TNS3: variants seen among roughly 807,000 people sequenced by gnomAD.
TNS3 encodes the protein tensin-3.
TNS3 carries 45 observed loss-of-function variants against 140.9 expected under a neutral mutation model. The observed-to-expected ratio is 0.32, with a 90% CI of 0.25 to 0.41. TNS3 has a LOEUF of 0.41. Among genes scored for constraint, TNS3 ranks in the 10% least tolerant of loss-of-function variants. The probability of loss-of-function intolerance (pLI) is 1.00; values close to 1 mark genes in which losing one functional copy is unlikely to be tolerated. For synonymous variants in TNS3, 815 were observed against 788.4 expected, an observed-to-expected ratio of 1.03 and a Z score of -0.56; for missense variants, 1,716 against 1,906.7, an observed-to-expected ratio of 0.90 and a Z score of 1.86.
intron 1 of TNS3, chr7:47,557,230 G>A (rs1167644780): frequency 4.7e-6 from 2 of 430,044 alleles, no homozygotes; most frequent in Non-Finnish European, 9.5e-6. Flanking sequence ...ACGTAAGGGA[G>A]AGGCTGACTT....
rs1037532367 is a variant in TNS3, at chr7:47,303,008, G to C, written c.3399C>G (p.Pro1133=). Residue 1133 remains proline (P), a synonymous_variant, in exon 22 of 31, where the codon CCC becomes CCG. Coordinates refer to ENST00000311160, the MANE Select transcript of TNS3 (RefSeq NM_022748.12). ...SPHSGSTISI[P]FPNVLPDFSK... is the part of the protein sequence containing the mutation. ...AAAAGTCGGGAAGGACATTTGGGAA[G>C]GGGATACTGATGGTGCTCCCGCTGT... 13 of 1,613,822 alleles carry C rather than the reference G, an allele frequency of 8.1e-6. No individual in the cohort carries two copies. The highest frequency in any genetic ancestry group is 1.1e-5 in the Non-Finnish European group (13 of 1,179,742).
Position 47,488,942 on chromosome 7 carries a change from G to A in TNS3, c.-114-7801C>T, listed in dbSNP as rs543641070. On this transcript the variant is annotated intron_variant, in intron 3 of 30. Transcript: ENST00000311160. ...TTTCAACACAAGCCTGCAAACAACA[G>A]CAGATCTATACAAAGAATGGCAGTA... Among the ~76,000 whole-genome samples the A allele has an allele frequency of 2.6e-5, 4 of 152,324 alleles. No homozygotes were observed. The South Asian group carries it at 8.3e-4, about 32-fold the overall frequency.
At chr7:47,505,735 G>T (rs1360687225) in intron 3 of TNS3, among the ~76,000 whole-genome samples, 1 of 152,180 alleles carries the variant, frequency 6.6e-6, no homozygotes, top group African/African-American at 2.4e-5. Context: ...GTGTGTGTGT[G>T]TGTGTATTTC....
At position 47,368,431 on chromosome 7, in the gene TNS3, C is replaced by T. The variant is rs778391297; in HGVS notation, c.2215G>A (p.Gly739Arg). 9 of 1,535,232 alleles carry T rather than the reference C, an allele frequency of 5.9e-6. No homozygotes were observed. Among genetic ancestry groups the T allele is most frequent in the East Asian group, 2.3e-5 (1 of 43,396 alleles). ...GSVSPDSVGG[G>R]LRASSRLPDT... ...GGCAGCCTGCTGCTTGCCCGGAGCC[C>T]ACCTCCCACGCTGTCTGGAGACACA... Residue 739 changes from glycine to arginine, a missense_variant, in exon 17 of 31, where the codon GGG becomes AGG. Gly to Arg is a moderately radical substitution (Grantham distance 125). Coordinates refer to ENST00000311160, the MANE Select transcript of TNS3 (RefSeq NM_022748.12).
intron 20 of TNS3, among the ~76,000 whole-genome samples, chr7:47,326,000 C>T (rs936302537): frequency 6.6e-6 from 1 of 152,204 alleles, no homozygotes; most frequent in Non-Finnish European, 1.5e-5. Context: ...GCTCCAACCA[C>T]GGGAGCTTTC....
chr7:47,369,516 G>A lies in TNS3; in HGVS notation c.1130C>T (p.Thr377Ile). The stretch of plus-strand genomic sequence containing the variant: ...GTGGTCACTGTGGTCTGGGCTGTTG[G>A]TGGCCGGGATTGCCTGGGGGCCACC... ...IPGGPQAIPA[T>I]NSPDHSDHTL... The change falls in exon 17 of 31, where the codon ACC (threonine) becomes ATC (isoleucine). Residue 377 changes from threonine (T) to isoleucine (I), a missense_variant. Thr to Ile is a moderately conservative substitution (Grantham distance 89). This residue lies in a region of TNS3 where 1,163 missense variants were observed against 1,182.1 expected (regional missense o/e 0.98). Transcript: ENST00000311160. The A allele has an allele frequency of 1.2e-6, 2 of 1,614,042 alleles. No individual in the cohort carries two copies. The highest frequency in any genetic ancestry group is 1.7e-6 in the Non-Finnish European group (2 of 1,179,956).
chr7:47,520,507 C>A (rs770613098), intron 2 of TNS3, among the ~76,000 whole-genome samples: 1 of 152,186 alleles, frequency 6.6e-6, no homozygotes, highest in Non-Finnish European at 1.5e-5. Context: ...ATCCTGACAA[C>A]CCAGACCGTT....
chr7:47,428,375 C>T lies in TNS3; in HGVS notation c.326G>A (p.Gly109Asp), dbSNP rs1794764297. ...LQHVVVIHCR[G>D]GKGRIGVVIS... ...GACCACTCCTATGCGTCCTTTCCCG[C>T]CCTGCAGGAGACAAAAGATCAGCTG... The change falls in exon 9 of 31, where the codon GGC becomes GAC. Residue 109 changes from glycine (G) to aspartate (D), a missense_variant and splice_region_variant. This residue lies in a region of TNS3 where 337 missense variants were observed against 428.9 expected (regional missense o/e 0.79). Coordinates refer to ENST00000311160, the MANE Select transcript of TNS3 (RefSeq NM_022748.12). The T allele has an allele frequency of 1.4e-6, 2 of 1,427,418 alleles. No individual in the cohort carries two copies. The highest frequency in any genetic ancestry group is 1.8e-6 in the Non-Finnish European group (2 of 1,083,856). 88.4% of individuals were successfully genotyped at this position (1,427,418 alleles called of 1,614,324 possible).
At chr7:47,450,768 G>T (rs936724990) in intron 4 of TNS3, among the ~76,000 whole-genome samples, 1 of 152,248 alleles carries the variant, frequency 6.6e-6, no homozygotes, top group African/African-American at 2.4e-5. Context: ...GCAGGGCAGT[G>T]CCAGGATAGG....
In TNS3 at chr7:47,369,229, G is replaced by A. The variant is rs764145645; in HGVS notation, c.1417C>T (p.Arg473Trp). The change falls in exon 17 of 31, where the codon CGG (arginine) becomes TGG (tryptophan). Residue 473 changes from arginine (R) to tryptophan (W), a missense_variant. By Grantham distance (101) the Arg-to-Trp change is moderately radical. This residue lies in a region of TNS3 where 1,163 missense variants were observed against 1,182.1 expected (regional missense o/e 0.98). Transcript: ENST00000311160. ...HVNGDAALKD[R>W]ETDILDDEMP... ...TCGTCATCCAGAATGTCTGTCTCCC[G>A]ATCCTTCAGAGCAGCGTCTCCATTC... is the stretch of plus-strand genomic sequence containing the variant. The A allele has an allele frequency of 7.4e-6, 12 of 1,614,066 alleles. No individual in the cohort carries two copies. Among genetic ancestry groups the A allele is most frequent in the South Asian group, 3.3e-5 (3 of 91,070 alleles).
In TNS3 at chr7:47,368,873, G is replaced by A; in HGVS notation, c.1773C>T (p.Arg591=). 6.2e-7 allele frequency: 1 copy of A among 1,613,762 alleles called. No individual in the cohort carries two copies. The highest frequency in any genetic ancestry group is 8.5e-7 in the Non-Finnish European group (1 of 1,179,938). ...QSSYSTQTWV[R]QQQMVVAHQY... ...GGTGAGCTACAACCATCTGCTGCTGGCGCACCCAGGTCTGTGTGGAGTAGC... is the reference window on the plus strand; with the variant it reads ...GGTGAGCTACAACCATCTGCTGCTGACGCACCCAGGTCTGTGTGGAGTAGC... The change falls in exon 17 of 31, where the codon CGC becomes CGT. Residue 591 remains arginine, a synonymous_variant. Coordinates refer to ENST00000311160, the MANE Select transcript of TNS3 (RefSeq NM_022748.12).
At chr7:47,436,498 A>G (rs1461959332) in intron 7 of TNS3, among the ~76,000 whole-genome samples, 1 of 152,226 alleles carries the variant, frequency 6.6e-6, no homozygotes, top group African/African-American at 2.4e-5. Context: ...CCTAAAACCT[A>G]GATGACAGGT....
At chr7:47,544,494 A>C (rs1042172676) in intron 1 of TNS3, among the ~76,000 whole-genome samples, 2 of 152,104 alleles carry the variant, frequency 1.3e-5, no homozygotes, top group African/African-American at 4.8e-5. Context: ...AATGCCTTTA[A>C]GAAAGGGACC....
At position 47,278,550 on chromosome 7, in the gene TNS3, C is replaced by T. The variant is rs187594718; in HGVS notation, c.4194-330G>A. 16 of 233,234 alleles carry T rather than the reference C, an allele frequency of 6.9e-5. No homozygotes were observed. In the East Asian group the frequency reaches 1.6e-3, roughly 24 times the overall value. 14.4% of individuals were successfully genotyped at this position (233,234 alleles called of 1,614,324 possible). ...CTTCCCCACGCCAGGGCCAGAATCT[C>T]CTGGGCACCTGTCCCTGCAGATTCC... On this transcript the variant is annotated intron_variant, in intron 30 of 30. Coordinates refer to ENST00000311160, the MANE Select transcript of TNS3 (RefSeq NM_022748.12).
intron 3 of TNS3, among the ~76,000 whole-genome samples, chr7:47,497,207 G>A (rs1043814167): frequency 3.3e-5 from 5 of 152,110 alleles, no homozygotes; most frequent in South Asian, 2.1e-4. Context: ...TTATGCTAGC[G>A]GTAGGCAACA....
intron 3 of TNS3, among the ~76,000 whole-genome samples, chr7:47,487,977 T>C (rs1797672746): frequency 6.6e-6 from 1 of 152,130 alleles, no homozygotes; most frequent in Non-Finnish European, 1.5e-5. Flanking sequence ...GCCAAATATT[T>C]GCTGACCACC....
intron 17 of TNS3, among the ~76,000 whole-genome samples, chr7:47,351,266 T>C (rs1352264108): frequency 6.6e-6 from 1 of 152,202 alleles, no homozygotes; most frequent in Non-Finnish European, 1.5e-5. Context: ...CTGATAAATC[T>C]CCCATGTCTG....
intron 20 of TNS3, among the ~76,000 whole-genome samples, chr7:47,330,173 A>G (rs1209232546): frequency 6.6e-6 from 1 of 152,124 alleles, no homozygotes; most frequent in Non-Finnish European, 1.5e-5. Flanking sequence ...TGGACTGTCC[A>G]CATGTTGACT....
At chr7:47,557,966 C>T (rs933068596) in intron 1 of TNS3, among the ~76,000 whole-genome samples, 1 of 152,200 alleles carries the variant, frequency 6.6e-6, no homozygotes, top group Non-Finnish European at 1.5e-5. Context: ...GAGCAGGCCT[C>T]GGGACATCTC....
Sources: gnomAD v4.1 joint callset for allele counts (sites outside exome capture counted in the v4.1 genomes callset) on GRCh38, gnomAD v4.1.1 for gene constraint, gnomAD v4.1.1 regional missense constraint, MANE v1.5 for transcripts, NCBI Gene and HGNC (gene_info 2026-07-23, HGNC 2026-07-21) for gene names.